Variants in ACADVL observed in about 807,000 individuals in gnomAD.
ACADVL encodes very long-chain acyl-CoA dehydrogenase, mitochondrial.
A neutral mutation model predicts 80.4 loss-of-function variants in ACADVL; 73 were observed. The ratio of observed to expected loss-of-function variants is 0.91; its 90% confidence interval spans 0.75 to 1.10. The LOEUF (loss-of-function observed/expected upper bound fraction) is 1.10, where lower values mean the gene tolerates loss of function less well. ACADVL is among the 50% of genes least tolerant of loss of function. The pLI is 0.00. For missense variants in ACADVL, 878 were observed against 858.9 expected (o/e 1.02, Z -0.28); for synonymous variants, 392 against 326.5 (o/e 1.20, Z -2.16).
In ACADVL at chr17:7,223,204, G is replaced by A; in HGVS notation, c.1149G>A (p.Leu383=). The stretch of plus-strand genomic sequence containing the variant: ...ACTTTGGGCTGATCCAGGAGAAGCT[G>A]GCACGGATGGTTATGCTGCAGTATG... ...IHNFGLIQEK[L]ARMVMLQYVT... The change falls in exon 11 of 20, where the codon CTG becomes CTA. Residue 383 remains leucine, a synonymous_variant. Transcript: ENST00000356839. 1 of 1,614,082 alleles carries A rather than the reference G, an allele frequency of 6.2e-7. No individual in the cohort carries two copies. The highest frequency in any genetic ancestry group is 1.7e-5 in the Admixed American group (1 of 60,028).
upstream of ACADVL, chr17:7,217,179 G>A (rs753669668): frequency 7.8e-7 from 1 of 1,280,854 alleles, no homozygotes; most frequent in South Asian, 3.1e-5. Flanking sequence ...GGCGGGTAAG[G>A]GGCTCTGACT....
Position 7,223,222 on chromosome 17 carries a change from G to C in ACADVL, c.1167G>C (p.Leu389=). The C allele has an allele frequency of 6.2e-7, 1 of 1,613,764 alleles. No homozygotes were observed. The highest frequency in any genetic ancestry group is 1.1e-5 in the South Asian group (1 of 91,076). The change falls in exon 11 of 20, where the codon CTG becomes CTC. Residue 389 remains leucine (L), a synonymous_variant. Transcript: ENST00000356839. ...AGAAGCTGGCACGGATGGTTATGCT[G>C]CAGTATGTAACTGAGGTGAGGGCCT... ...IQEKLARMVM[L]QYVTESMAYM...
At chr17:7,219,585 T>C (rs557698043), upstream of ACADVL, 121 of 1,132,882 alleles carry the variant, frequency 1.1e-4, no homozygotes, top group South Asian at 2.0e-3. Flanking sequence ...GCCTCTGCCA[T>C]CTACCTTACA....
upstream of ACADVL, chr17:7,219,647 C>G: frequency 7.9e-7 from 1 of 1,267,294 alleles, no homozygotes; most frequent in South Asian, 1.7e-5. Context: ...GCCCTCCCTT[C>G]AGTCCACCTC....
Position 7,222,292 on chromosome 17 carries a change from G to A in ACADVL, c.868G>A (p.Gly290Ser). 1 of 1,613,976 alleles carries A rather than the reference G, an allele frequency of 6.2e-7. No individual in the cohort carries two copies. The highest frequency in any genetic ancestry group is 8.5e-7 in the Non-Finnish European group (1 of 1,179,966). Residue 290 changes from glycine (G) to serine (S), a missense_variant, in exon 9 of 20, where the codon GGC (glycine) becomes AGC (serine). Gly to Ser is a moderately conservative substitution (Grantham distance 56). Coordinates refer to ENST00000356839, the MANE Select transcript of ACADVL (RefSeq NM_000018.4). ...TTTTGTGGTGGAGAGGGGCTTCGGG[G>A]GCATTACCCAGTGAGTGAATTTGGG... The part of the protein sequence containing the change: ...TAFVVERGFG[G>S]ITHGPPEKKM...
At chr17:7,224,607 C>CCCGCG in intron 17 of ACADVL, 35 bp from the exon 18 acceptor site, 1 of 1,408,578 alleles carries the variant, frequency 7.1e-7, no homozygotes, top group Non-Finnish European at 9.7e-7. Context: ...GAGACTAATG[C>CCCGCG]CCCCACCCCC....
upstream of ACADVL, chr17:7,218,592 C>T (rs1014318240): frequency 3.8e-6 from 6 of 1,566,130 alleles, no homozygotes; most frequent in South Asian, 1.2e-5. Flanking sequence ...AGTGGGGGTG[C>T]CCACCGCAGC....
rs796051907 is a variant in ACADVL, at chr17:7,220,659, T to C, written c.260T>C (p.Val87Ala). 1.9e-6 allele frequency: 3 copies of C among 1,614,114 alleles called. No homozygotes were observed. Among genetic ancestry groups the C allele is most frequent in the Admixed American group, 1.7e-5 (1 of 60,014 alleles). ...AAAGGCCAGCTCACCACAGATCAGG[T>C]GTTCCCATACCCGTCCGGTAAGGGA... ...MFKGQLTTDQ[V>A]FPYPSVLNEE... is the part of the protein sequence containing the mutation. The change falls in exon 4 of 20, where the codon GTG (valine) becomes GCG (alanine). Residue 87 changes from valine to alanine, a missense_variant. Coordinates refer to ENST00000356839, the MANE Select transcript of ACADVL (RefSeq NM_000018.4).
chr17:7,218,942 C>A, upstream of ACADVL: 1 of 1,386,172 alleles, frequency 7.2e-7, no homozygotes. Flanking sequence ...TAAAGTAGGC[C>A]GTCTCTGAGC....
rs200771970 is a variant in ACADVL at position 7,224,243 on chromosome 17, G to A, written c.1532G>A (p.Arg511Gln). 5 of 1,613,648 alleles carry A rather than the reference G, an allele frequency of 3.1e-6. No homozygotes were observed. Among genetic ancestry groups the A allele is most frequent in the Admixed American group, 1.7e-5 (1 of 59,996 alleles). ...LLGEAGKQLR[R>Q]RAGLGSGLSL... Reference sequence around the variant, plus strand: ...GGAGAGGCAGGCAAACAGCTGAGGCGGTAGGCTTAGGGCCAGAGCCAGGGG... The same window carrying A: ...GGAGAGGCAGGCAAACAGCTGAGGCAGTAGGCTTAGGGCCAGAGCCAGGGG... Residue 511 changes from arginine (R) to glutamine (Q), a missense_variant and splice_region_variant, in exon 15 of 20, where the codon CGG becomes CAG. Transcript: ENST00000356839.
rs1221411334 is a variant in ACADVL, at chr17:7,221,688, G to A, written c.622+6G>A. The A allele has an allele frequency of 6.2e-7, 1 of 1,613,596 alleles. No individual in the cohort carries two copies. Among genetic ancestry groups the A allele is most frequent in the Non-Finnish European group, 8.5e-7 (1 of 1,179,996 alleles). On this transcript the variant is annotated splice_donor_region_variant and intron_variant, in intron 7 of 19. Transcript: ENST00000356839. ...CCTCCCCAAGCTGGCATCTGGTGAG[G>A]CAACCCTAGGAGAGCCAGGGATTGG...
upstream of ACADVL, chr17:7,219,889 G>C: frequency 6.5e-7 from 1 of 1,536,758 alleles, no homozygotes; most frequent in Non-Finnish European, 8.7e-7. Context: ...GTGCACTGTG[G>C]ACGATGAGTC....
At chr17:7,218,550 C>A (rs372479041), upstream of ACADVL, 23 of 1,560,582 alleles carry the variant, frequency 1.5e-5, no homozygotes, top group Non-Finnish European at 1.8e-5. Context: ...CCCAGCAAGG[C>A]CTGGAAGAGG....
Position 7,221,577 on chromosome 17 carries a change from G to T in ACADVL, c.517G>T (p.Gly173Cys), listed in dbSNP as rs2071227774. ...GGAGATCGTGGGCATGCATGACCTT[G>T]GCGTGGGCATTACCCTGGGGGCCCA... Reference protein sequence around the residue: ...LVEIVGMHDLGVGITLGAHQS... With the variant: ...LVEIVGMHDLCVGITLGAHQS... The change falls in exon 7 of 20, where the codon GGC becomes TGC. Residue 173 changes from glycine to cysteine, a missense_variant. Transcript: ENST00000356839. 6.2e-7 allele frequency: 1 copy of T among 1,614,020 alleles called. No individual in the cohort carries two copies. The highest frequency in any genetic ancestry group is 1.1e-5 in the South Asian group (1 of 91,074).
chr17:7,225,096 G>GAATAAAA lies in ACADVL; in HGVS notation c.*3_*4insAAAAATA. On this transcript the variant is annotated frameshift_variant and stop_retained_variant, in exon 20 of 20. Coordinates refer to ENST00000356839, the MANE Select transcript of ACADVL (RefSeq NM_000018.4). LOFTEE classifies it high-confidence loss of function. ...GTCACCAGCAACCCACTTGGCTTCT[G>GAATAAAA]AATACTCCCGGCCAGGGCCTGTCCC... 6.2e-7 allele frequency: 1 copy of GAATAAAA among 1,614,082 alleles called. No homozygotes were observed. The highest frequency in any genetic ancestry group is 8.5e-7 in the Non-Finnish European group (1 of 1,180,038).
At chr17:7,219,926 G>GTGCAGGACGCGGGCA (rs756798696), upstream of ACADVL, 1 of 1,573,042 alleles carries the variant, frequency 6.4e-7, no homozygotes, top group Non-Finnish European at 8.6e-7. Flanking sequence ...GGACGTGGGC[G>GTGCAGGACGCGGGCA]TGCAGGACGC....
chr17:7,220,231 G>A, intron 2 of ACADVL, 34 bp downstream of exon 2: 3 of 1,521,990 alleles, frequency 2.0e-6, no homozygotes, highest in Non-Finnish European at 1.8e-6. Context: ...GGGGGTGTGG[G>A]AGCGGCGGTC....
upstream of ACADVL, chr17:7,217,860 G>T (rs1310507949): frequency 1.3e-6 from 2 of 1,521,034 alleles, no homozygotes; most frequent in Admixed American, 2.0e-5. Context: ...CTATAGTTGG[G>T]CTGGGAGCAC....
chr17:7,217,719 C>T, upstream of ACADVL: 1 of 1,534,582 alleles, frequency 6.5e-7, no homozygotes. Flanking sequence ...CTGGCAGGAA[C>T]CCGGATAATG....
Sources: allele counts gnomAD v4.1 joint callset, GRCh38; gene constraint gnomAD v4.1.1; transcripts MANE v1.5; gene names NCBI Gene and HGNC (gene_info 2026-07-23, HGNC 2026-07-21).